Variants in PTBP3 observed in about 807,000 individuals in gnomAD.
The protein encoded by PTBP3 is polypyrimidine tract binding protein 3.
Under a neutral mutation model 58.7 loss-of-function variants are expected in PTBP3, and 20 were observed. The ratio of observed to expected loss-of-function variants is 0.34; its 90% confidence interval spans 0.24 to 0.50. The LOEUF (loss-of-function observed/expected upper bound fraction) is 0.50, where lower values mean the gene tolerates loss of function less well. PTBP3 is among the 20% of genes least tolerant of loss of function. The pLI is 0.98. For synonymous variants in PTBP3, 185 were observed against 219.8 expected, an observed-to-expected ratio of 0.84 and a Z score of 1.40; for missense variants, 509 against 637.2, an observed-to-expected ratio of 0.80 and a Z score of 2.17.
chr9:112,372,838 T>C, the PTBP3 span, among the ~76,000 whole-genome samples: 1 of 152,236 alleles, frequency 6.6e-6, no homozygotes, highest in African/African-American at 2.4e-5. Context: ...TTTCCACCTT[T>C]TGGCTATTAT....
chr9:112,278,956 T>C (rs773930001), intron 2 of PTBP3, among the ~76,000 whole-genome samples: 2 of 152,224 alleles, frequency 1.3e-5, no homozygotes, highest in Non-Finnish European at 2.9e-5. Context: ...AAAATGGTAA[T>C]TGTAAATGAC....
At chr9:112,316,907 G>C (rs1466448676) in intron 1 of PTBP3, among the ~76,000 whole-genome samples, 1 of 151,912 alleles carries the variant, frequency 6.6e-6, no homozygotes, top group East Asian at 1.9e-4. Flanking sequence ...GGAAGGCAGA[G>C]GCTGCAGTGA....
At chr9:112,278,108 G>A (rs770778566) in intron 2 of PTBP3, among the ~76,000 whole-genome samples, 1 of 152,028 alleles carries the variant, frequency 6.6e-6, no homozygotes, top group African/African-American at 2.4e-5. Context: ...TGCCTCATTT[G>A]AGTCTCACAA....
At chr9:112,359,633 G>A in the PTBP3 span, among the ~76,000 whole-genome samples, 1 of 151,926 alleles carries the variant, frequency 6.6e-6, no homozygotes, top group Non-Finnish European at 1.5e-5. Context: ...TTGAAACCCC[G>A]TCTCTACAAA....
chr9:112,233,299 G>A (rs1316820495), intron 8 of PTBP3, among the ~76,000 whole-genome samples: 2 of 150,808 alleles, frequency 1.3e-5, no homozygotes, highest in African/African-American at 2.4e-5. Flanking sequence ...GTGTGTGTGT[G>A]TGTGTGTGTG....
At position 112,252,685 on chromosome 9, in the gene PTBP3, G is replaced by A; in HGVS notation, c.620C>T (p.Ala207Val). The change falls in exon 6 of 14, where the codon GCC (alanine) becomes GTC (valine). Residue 207 changes from alanine (A) to valine (V), a missense_variant. By Grantham distance (64) the Ala-to-Val change is moderately conservative. This residue lies in a region of PTBP3 where 41 missense variants were observed against 78.0 expected (regional missense o/e 0.53). Coordinates refer to ENST00000374257, the MANE Select transcript of PTBP3 (RefSeq NM_001163788.4). The stretch of plus-strand genomic sequence containing the variant: ...AACAAAGATCATAATTACCATTTTG[G>A]CATAATGTGCATTTACTGGGTCAGC... ...QYADPVNAHY[A>V]KMALDGQNIY... 6.3e-7 allele frequency: 1 copy of A among 1,584,090 alleles called. No individual in the cohort carries two copies.
At chr9:112,260,973 TGTA>T (rs1836569634) in intron 5 of PTBP3, among the ~76,000 whole-genome samples, 1 of 152,244 alleles carries the variant, frequency 6.6e-6, no homozygotes, top group African/African-American at 2.4e-5. Flanking sequence ...ACCACATGAC[TGTA>T]GCTAAACTTG....
At chr9:112,244,396 G>T (rs10817298) in intron 7 of PTBP3, among the ~76,000 whole-genome samples, 80,235 of 151,404 alleles carry the variant, frequency 0.53, 22,185 homozygotes, top group African/African-American at 0.7. Context: ...CAAACATCCA[G>T]GCTGCAGTGG....
chr9:112,314,157 G>A (rs751541735), intron 1 of PTBP3, among the ~76,000 whole-genome samples: 1 of 152,028 alleles, frequency 6.6e-6, no homozygotes, highest in Non-Finnish European at 1.5e-5. Context: ...CAAATTTTGG[G>A]GTCCTTGGGA....
At chr9:112,296,033 G>GT (rs1429420840) in intron 2 of PTBP3, among the ~76,000 whole-genome samples, 10 of 152,262 alleles carry the variant, frequency 6.6e-5, no homozygotes, top group African/African-American at 1.7e-4. Context: ...TTTTGCAATG[G>GT]TTTTTTAGCT....
intron 1 of PTBP3, among the ~76,000 whole-genome samples, chr9:112,319,232 A>G (rs1424223522): frequency 6.6e-6 from 1 of 151,912 alleles, no homozygotes; most frequent in African/African-American, 2.4e-5. Context: ...ATTACAAAAC[A>G]CTGAAGACGG....
At chr9:112,275,491 C>A (rs1210118084) in intron 3 of PTBP3, among the ~76,000 whole-genome samples, 2 of 151,900 alleles carry the variant, frequency 1.3e-5, no homozygotes, top group African/African-American at 4.8e-5. Flanking sequence ...CTTTAATTTG[C>A]CAAATGAGGT....
chr9:112,329,911 G>A (rs6477915), intron 1 of PTBP3, among the ~76,000 whole-genome samples: 126,190 of 150,250 alleles, frequency 0.84, 53,282 homozygotes, highest in African/African-American at 0.92. Flanking sequence ...CAGTGACACG[G>A]TCACACTCAC....
intron 10 of PTBP3, 23 bp downstream of exon 10, chr9:112,231,356 AT>A: frequency 1.9e-6 from 3 of 1,561,080 alleles, no homozygotes; most frequent in Non-Finnish European, 2.6e-6. Flanking sequence ...GTAGACAATA[AT>A]AAAATAGCAA....
In PTBP3 at chr9:112,327,785, T is replaced by C. The variant is rs569067655; in HGVS notation, c.-52+5685A>G. 6.6e-5 allele frequency among the ~76,000 whole-genome samples: 9 copies of C among 136,366 alleles called. No homozygotes were observed. The South Asian group carries it at 2.2e-3, about 33-fold the overall frequency. The allele number at this position is 136,366 out of a possible 152,430, so 89.5% of individuals were successfully genotyped here. A position where few individuals can be genotyped will look rare whatever the true frequency, so the allele number is the denominator to read the frequency against. On this transcript the variant is annotated intron_variant, in intron 1 of 13. Coordinates refer to ENST00000374257, the MANE Select transcript of PTBP3 (RefSeq NM_001163788.4). ...AAATGATTTCTTTCTCACCATAGTA[T>C]ATGACTAATAGAGGAAAAAAAAAAA...
intron 2 of PTBP3, among the ~76,000 whole-genome samples, chr9:112,283,659 G>A (rs1827978165): frequency 6.6e-6 from 1 of 152,250 alleles, no homozygotes; most frequent in East Asian, 1.9e-4. Flanking sequence ...GCAGAAATAT[G>A]CATAAGTAAC....
At chr9:112,266,900 A>T (rs1836822649) in intron 4 of PTBP3, among the ~76,000 whole-genome samples, 1 of 152,156 alleles carries the variant, frequency 6.6e-6, no homozygotes, top group Non-Finnish European at 1.5e-5. Context: ...ACAATTTTTC[A>T]TTTTAAAAAG....
intron 7 of PTBP3, among the ~76,000 whole-genome samples, chr9:112,238,349 G>GA (rs1236671221): frequency 6.6e-6 from 1 of 152,150 alleles, no homozygotes; most frequent in Non-Finnish European, 1.5e-5. Flanking sequence ...AAACCAAGCT[G>GA]AAGAGCGTCA....
At chr9:112,230,551 G>C (rs1589798377) in intron 10 of PTBP3, among the ~76,000 whole-genome samples, 1 of 152,038 alleles carries the variant, frequency 6.6e-6, no homozygotes, top group South Asian at 2.1e-4. Flanking sequence ...TTGAAGTACA[G>C]CAACAATGAA....
Sources: gnomAD v4.1 joint callset for allele counts (sites outside exome capture counted in the v4.1 genomes callset) on GRCh38, gnomAD v4.1.1 for gene constraint, gnomAD v4.1.1 regional missense constraint, MANE v1.5 for transcripts, NCBI Gene and HGNC (gene_info 2026-07-23, HGNC 2026-07-21) for gene names.